The following HS6ST3 variants were observed in gnomAD, a reference collection of about 807,000 sequenced individuals.
The protein encoded by HS6ST3 is heparan-sulfate 6-O-sulfotransferase 3.
In HS6ST3, 12 loss-of-function variants were observed where a neutral mutation model predicts 36.7. That is an observed-to-expected ratio of 0.33 (90% confidence interval 0.21 to 0.53). The LOEUF is 0.53. Among genes scored for constraint, HS6ST3 ranks in the 20% least tolerant of loss-of-function variants. The pLI, the probability that HS6ST3 is intolerant of heterozygous loss-of-function variation, is 0.95. For synonymous variants in HS6ST3, 240 were observed against 257.5 expected (o/e 0.93, Z 0.65); for missense variants, 584 against 640.9 (o/e 0.91, Z 0.96).
chr13:96,725,062 G>A (rs1375018652), intron 1 of HS6ST3, among the ~76,000 whole-genome samples: 1 of 152,176 alleles, frequency 6.6e-6, no homozygotes, highest in Non-Finnish European at 1.5e-5. Context: ...TATAGGGGAT[G>A]TGAACTATCT....
rs147730010 is a variant in HS6ST3 at position 96,505,136 on chromosome 13, G to A, written c.708-327354G>A. Among the ~76,000 whole-genome samples, 7 of 152,292 alleles carry A rather than the reference G, an allele frequency of 4.6e-5. No homozygotes were observed. In the East Asian group the frequency reaches 1.3e-3, roughly 29 times the overall value. On this transcript the variant is annotated intron_variant, in intron 1 of 1. Coordinates refer to ENST00000376705, the MANE Select transcript of HS6ST3 (RefSeq NM_153456.4). The stretch of plus-strand genomic sequence containing the variant: ...CCCAAAGCAGCTGAAAATAGCTTTA[G>A]TGTGGAACAAATTTATTCCTTTGTA...
At chr13:96,134,414 C>T (rs2053991233) in intron 1 of HS6ST3, among the ~76,000 whole-genome samples, 2 of 151,420 alleles carry the variant, frequency 1.3e-5, no homozygotes, top group Admixed American at 6.6e-5. Context: ...ATCTTCTTTT[C>T]ATTTTCTGTA....
At chr13:96,600,255 T>C (rs1218463247) in intron 1 of HS6ST3, among the ~76,000 whole-genome samples, 4 of 151,876 alleles carry the variant, frequency 2.6e-5, no homozygotes, top group Non-Finnish European at 4.4e-5. Flanking sequence ...ACTCCCCCAC[T>C]ATTATTGTGT....
intron 1 of HS6ST3, among the ~76,000 whole-genome samples, chr13:96,794,323 G>A (rs1877860315): frequency 6.6e-6 from 1 of 152,034 alleles, no homozygotes; most frequent in African/African-American, 2.4e-5. Context: ...AAACACATCT[G>A]ATAAGTATTC....
chr13:96,663,545 T>G (rs1284827909), intron 1 of HS6ST3, among the ~76,000 whole-genome samples: 1 of 152,174 alleles, frequency 6.6e-6, no homozygotes, highest in African/African-American at 2.4e-5. Flanking sequence ...TATCATCCAT[T>G]TTTAATGGGA....
chr13:96,134,154 T>G (rs560167412), intron 1 of HS6ST3, among the ~76,000 whole-genome samples: 1 of 152,300 alleles, frequency 6.6e-6, no homozygotes, highest in African/African-American at 2.4e-5. Flanking sequence ...TCTGTTTTTT[T>G]GCCAGCCCCT....
intron 1 of HS6ST3, among the ~76,000 whole-genome samples, chr13:96,195,518 T>C (rs1327629): frequency 0.95 from 144,092 of 152,124 alleles, 68,350 homozygotes; most frequent in African/African-American, 0.97. Flanking sequence ...CAGGAAAGAA[T>C]TACAACCTCG....
intron 1 of HS6ST3, among the ~76,000 whole-genome samples, chr13:96,413,095 C>T (rs1436214357): frequency 6.6e-6 from 1 of 152,084 alleles, no homozygotes; most frequent in African/African-American, 2.4e-5. Context: ...ACCATAGACA[C>T]CTGCTATGTG....
chr13:96,437,228 C>T (rs956091863), intron 1 of HS6ST3, among the ~76,000 whole-genome samples: 1 of 152,196 alleles, frequency 6.6e-6, no homozygotes, highest in African/African-American at 2.4e-5. Context: ...GCCCATTCTC[C>T]AGCATGACCT....
intron 1 of HS6ST3, among the ~76,000 whole-genome samples, chr13:96,305,776 C>G (rs1238222180): frequency 6.6e-6 from 1 of 151,432 alleles, no homozygotes; most frequent in East Asian, 1.9e-4. Context: ...ATAGTTGGTT[C>G]AAGATCAATT....
intron 1 of HS6ST3, among the ~76,000 whole-genome samples, chr13:96,408,382 C>T (rs989441980): frequency 2.0e-5 from 3 of 152,258 alleles, no homozygotes; most frequent in Admixed American, 6.5e-5. Context: ...AAATATTCTC[C>T]AAACTGGAGC....
chr13:96,223,773 C>T (rs1354937665), intron 1 of HS6ST3, among the ~76,000 whole-genome samples: 1 of 151,946 alleles, frequency 6.6e-6, no homozygotes, highest in African/African-American at 2.4e-5. Flanking sequence ...ATATATGTCA[C>T]AATTTTTGGC....
intron 1 of HS6ST3, among the ~76,000 whole-genome samples, chr13:96,328,345 A>G (rs2139418853): frequency 6.6e-6 from 1 of 150,886 alleles, no homozygotes; most frequent in South Asian, 2.1e-4. Flanking sequence ...ATTATTTTGA[A>G]ATACGTCCCA....
At chr13:96,557,466 G>A (rs2056245379) in intron 1 of HS6ST3, among the ~76,000 whole-genome samples, 1 of 152,192 alleles carries the variant, frequency 6.6e-6, no homozygotes, top group African/African-American at 2.4e-5. Context: ...AGAAAACCCA[G>A]CAAACTCAGA....
chr13:96,525,662 A>G (rs560991413), intron 1 of HS6ST3, among the ~76,000 whole-genome samples: 19 of 152,358 alleles, frequency 1.2e-4, no homozygotes, highest in Admixed American at 5.9e-4. Context: ...AGATCTTCAA[A>G]TGAAATTATT....
At chr13:96,546,446 A>G (rs2056198014) in intron 1 of HS6ST3, among the ~76,000 whole-genome samples, 1 of 152,194 alleles carries the variant, frequency 6.6e-6, no homozygotes, top group South Asian at 2.1e-4. Flanking sequence ...AACTTGCACC[A>G]GACTATAGAA....
rs2139289409 is a variant in HS6ST3 at position 96,091,259 on chromosome 13, G to A, written c.397G>A (p.Asp133Asn). Residue 133 changes from aspartate (D) to asparagine (N), a missense_variant, in exon 1 of 2, where the codon GAC (aspartate) becomes AAC (asparagine). Asp to Asn is a conservative substitution (Grantham distance 23). Coordinates refer to ENST00000376705, the MANE Select transcript of HS6ST3 (RefSeq NM_153456.4). ...FVPRFNFSLKDLTRFVDFNIK... is the reference protein window; with the variant it reads ...FVPRFNFSLKNLTRFVDFNIK... ...GCCGCGCTTCAACTTCAGCCTGAAG[G>A]ACCTGACCCGCTTCGTGGATTTCAA... The A allele has an allele frequency of 6.2e-7, 1 of 1,609,512 alleles. No homozygotes were observed. The highest frequency in any genetic ancestry group is 2.2e-5 in the East Asian group (1 of 44,618).
At chr13:96,417,628 A>T (rs1272812868) in intron 1 of HS6ST3, among the ~76,000 whole-genome samples, 1 of 119,822 alleles carries the variant, frequency 8.3e-6, no homozygotes, top group East Asian at 2.8e-4. Context: ...GTGTGTACAT[A>T]TATATACACA....
chr13:96,528,047 G>T (rs775452336), intron 1 of HS6ST3, among the ~76,000 whole-genome samples: 1 of 152,110 alleles, frequency 6.6e-6, no homozygotes, highest in Non-Finnish European at 1.5e-5. Flanking sequence ...ACTGACCTTG[G>T]TAAAGCAGTG....
Sources: allele counts gnomAD v4.1 joint callset (sites outside exome capture counted in the v4.1 genomes callset), GRCh38; gene constraint gnomAD v4.1.1; transcripts MANE v1.5; gene names NCBI Gene and HGNC (gene_info 2026-07-23, HGNC 2026-07-21).